LIMD1: variants seen among roughly 807,000 people sequenced by gnomAD.
LIMD1 encodes LIM domain-containing protein 1.
A neutral mutation model predicts 58.4 loss-of-function variants in LIMD1; 23 were observed. The ratio of observed to expected loss-of-function variants is 0.39; its 90% confidence interval spans 0.28 to 0.56. LIMD1 has a LOEUF of 0.56. Among genes scored for constraint, LIMD1 ranks in the 20% least tolerant of loss-of-function variants. The pLI, the probability that LIMD1 is intolerant of heterozygous loss-of-function variation, is 0.57. For synonymous variants in LIMD1, 334 were observed against 345.5 expected (o/e 0.97, Z 0.37); for missense variants, 838 against 855.5 (o/e 0.98, Z 0.25).
chr3:45,636,564 G>C (rs181119791), intron 2 of LIMD1, among the ~76,000 whole-genome samples: 1 of 152,336 alleles, frequency 6.6e-6, no homozygotes, highest in African/African-American at 2.4e-5. Flanking sequence ...GGGAGGAAGT[G>C]CTGGGATTCA....
chr3:45,632,895 C>T (rs3796362), intron 1 of LIMD1, among the ~76,000 whole-genome samples: 13,246 of 152,182 alleles, frequency 0.087, 641 homozygotes, highest in East Asian at 0.13. Context: ...GTGACGAGAC[C>T]GCTTAAAGGA....
At chr3:45,634,523 G>A (rs1158966169) in intron 1 of LIMD1, among the ~76,000 whole-genome samples, 1 of 152,234 alleles carries the variant, frequency 6.6e-6, no homozygotes, top group Non-Finnish European at 1.5e-5. Context: ...GCAGTAACAT[G>A]ATTGTCATCC....
At chr3:45,658,154 TACAA>T (rs1448510435) in intron 2 of LIMD1, among the ~76,000 whole-genome samples, 2 of 152,186 alleles carry the variant, frequency 1.3e-5, no homozygotes, top group Admixed American at 1.3e-4. Flanking sequence ...CCACTCAGAA[TACAA>T]ACAAATATAT....
intron 2 of LIMD1, among the ~76,000 whole-genome samples, chr3:45,662,276 A>AGAGTGTGT: frequency 9.0e-6 from 1 of 111,592 alleles, no homozygotes; most frequent in South Asian, 2.5e-4. Context: ...GTTTCACCTA[A>AGAGTGTGT]GTGTGTGTGT....
chr3:45,653,927 GAAAAAGA>G (rs1413058523), intron 2 of LIMD1, among the ~76,000 whole-genome samples: 4,430 of 106,634 alleles, frequency 0.042, 81 homozygotes, highest in African/African-American at 0.051. Flanking sequence ...AAAAAAAAAA[GAAAAAGA>G]AAAAAAAAAA....
intron 2 of LIMD1, among the ~76,000 whole-genome samples, chr3:45,652,773 A>G (rs185566266): frequency 2.6e-5 from 4 of 152,326 alleles, no homozygotes; most frequent in Non-Finnish European, 5.9e-5. Flanking sequence ...CCTCACAGGC[A>G]AGAGCTGATC....
intron 2 of LIMD1, among the ~76,000 whole-genome samples, chr3:45,657,313 A>AGTGAGACATGAGG (rs1253821787): frequency 6.6e-6 from 1 of 152,164 alleles, no homozygotes; most frequent in Non-Finnish European, 1.5e-5. Flanking sequence ...ATGACACTTA[A>AGTGAGACATGAGG]GTGAGACATG....
chr3:45,623,321 C>A (rs553399748), intron 1 of LIMD1, among the ~76,000 whole-genome samples: 2 of 152,134 alleles, frequency 1.3e-5, no homozygotes, highest in African/African-American at 2.4e-5. Context: ...GCTGCCCTGG[C>A]GATAGCTGGA....
chr3:45,611,718 G>C (rs924635908), intron 1 of LIMD1, among the ~76,000 whole-genome samples: 1 of 152,238 alleles, frequency 6.6e-6, no homozygotes, highest in South Asian at 2.1e-4. Flanking sequence ...GCAAAGGCCT[G>C]TTTGTCTGAG....
intron 1 of LIMD1, among the ~76,000 whole-genome samples, chr3:45,631,584 G>C (rs568395780): frequency 2.0e-5 from 3 of 152,126 alleles, no homozygotes; most frequent in Non-Finnish European, 2.9e-5. Context: ...TCAGCAGCCC[G>C]AAGGACTCAG....
intron 1 of LIMD1, among the ~76,000 whole-genome samples, chr3:45,616,250 C>A (rs1169810278): frequency 6.6e-6 from 1 of 152,108 alleles, no homozygotes; most frequent in Non-Finnish European, 1.5e-5. Flanking sequence ...TTGCCAGCTG[C>A]CCCCAACAGG....
At chr3:45,624,245 C>T (rs1701650086) in intron 1 of LIMD1, among the ~76,000 whole-genome samples, 1 of 152,122 alleles carries the variant, frequency 6.6e-6, no homozygotes, top group Non-Finnish European at 1.5e-5. Flanking sequence ...GTAGGTGGTT[C>T]ATAGCTATGT....
chr3:45,596,550 C>T (rs1701355104), intron 1 of LIMD1, among the ~76,000 whole-genome samples: 1 of 152,150 alleles, frequency 6.6e-6, no homozygotes, highest in Non-Finnish European at 1.5e-5. Context: ...CTCATGACTG[C>T]TCTCAGAAAA....
intron 1 of LIMD1, chr3:45,635,851 C>T: frequency 1.0e-6 from 1 of 982,166 alleles, no homozygotes; most frequent in South Asian, 4.7e-5. Flanking sequence ...CAGTGGGAAC[C>T]TTCGAAAGCT....
intron 2 of LIMD1, 98 bp from the exon 3 acceptor site, chr3:45,665,552 T>C (rs1252017013): frequency 2.1e-6 from 2 of 963,550 alleles, no homozygotes; most frequent in Non-Finnish European, 1.6e-6. Context: ...TTTTACGTGT[T>C]TATTTCTGCC....
chr3:45,614,328 C>A (rs1355029732), intron 1 of LIMD1, among the ~76,000 whole-genome samples: 2 of 150,802 alleles, frequency 1.3e-5, no homozygotes, highest in East Asian at 3.9e-4. Flanking sequence ...GAGATCGAGA[C>A]CATCCTGGCT....
In LIMD1 at chr3:45,679,692, C is replaced by T. The variant is rs543581071; in HGVS notation, c.*2633C>T. 3.3e-5 allele frequency: 5 copies of T among 152,260 alleles called. No homozygotes were observed. The highest frequency in any genetic ancestry group is 7.2e-5 in the African/African-American group (3 of 41,542). 9.4% of individuals were successfully genotyped at this position (152,260 alleles called of 1,614,324 possible). On this transcript the variant is annotated 3_prime_UTR_variant, in exon 8 of 8. Transcript: ENST00000273317. The stretch of plus-strand genomic sequence containing the variant: ...GTGCCTTTTAGGTTTTCTTACCCAC[C>T]GTCTCCTGTTTTGTCTTTTTTTTCT...
chr3:45,650,786 G>A (rs988267939), intron 2 of LIMD1, among the ~76,000 whole-genome samples: 13 of 151,928 alleles, frequency 8.6e-5, no homozygotes, highest in Non-Finnish European at 1.0e-4. Flanking sequence ...GAATAGTGCC[G>A]CAATAAACAT....
At chr3:45,602,036 A>G (rs1421822633) in intron 1 of LIMD1, among the ~76,000 whole-genome samples, 1 of 149,790 alleles carries the variant, frequency 6.7e-6, no homozygotes, top group African/African-American at 2.5e-5. Flanking sequence ...TCCGCCTCCC[A>G]GGTTCAAGCC....
Sources: gnomAD v4.1 joint callset for allele counts (sites outside exome capture counted in the v4.1 genomes callset) on GRCh38, gnomAD v4.1.1 for gene constraint, MANE v1.5 for transcripts, NCBI Gene and HGNC (gene_info 2026-07-23, HGNC 2026-07-21) for gene names.